The following NBAS variants were observed in gnomAD, a reference collection of about 807,000 sequenced individuals.
The protein encoded by NBAS is NBAS subunit of NRZ tethering complex.
A neutral mutation model predicts 302.5 loss-of-function variants in NBAS; 219 were observed. That is an observed-to-expected ratio of 0.72 (90% CI 0.65 to 0.81). NBAS has a LOEUF of 0.81. Among genes scored for constraint, NBAS ranks in the 30% least tolerant of loss-of-function variants. The pLI is 0.00. For synonymous variants in NBAS, 1,118 were observed against 1,021.6 expected (o/e 1.09, Z -1.80); for missense variants, 2,932 against 2,841.6 (o/e 1.03, Z -0.72).
chr2:15,168,280 T>C (rs1230216204), intron 51 of NBAS, among the ~76,000 whole-genome samples: 1 of 152,234 alleles, frequency 6.6e-6, no homozygotes, highest in Non-Finnish European at 1.5e-5. Flanking sequence ...AACTATATTA[T>C]GCAACTGTAC....
intron 38 of NBAS, among the ~76,000 whole-genome samples, chr2:15,310,441 T>C (rs1001450930): frequency 2.6e-5 from 4 of 152,240 alleles, no homozygotes; most frequent in Non-Finnish European, 5.9e-5. Flanking sequence ...CATTTTCTAA[T>C]CAAAAGCTAT....
intron 9 of NBAS, among the ~76,000 whole-genome samples, chr2:15,517,773 A>G (rs2148657624): frequency 6.6e-6 from 1 of 152,320 alleles, no homozygotes; most frequent in African/African-American, 2.4e-5. Flanking sequence ...CAGTACATAG[A>G]GTATCGTTTG....
At chr2:15,098,956 C>T in the NBAS span, among the ~76,000 whole-genome samples, 1 of 151,406 alleles carries the variant, frequency 6.6e-6, no homozygotes, top group East Asian at 1.9e-4. Context: ...GTGTCCCCCT[C>T]ACACACACAT....
intron 10 of NBAS, among the ~76,000 whole-genome samples, chr2:15,508,666 C>T (rs1661988275): frequency 2.0e-5 from 3 of 152,134 alleles, no homozygotes; most frequent in African/African-American, 4.8e-5. Context: ...TATACAGACA[C>T]ACATAATTTA....
At chr2:14,922,002 C>A in the NBAS span, among the ~76,000 whole-genome samples, 2 of 152,230 alleles carry the variant, frequency 1.3e-5, no homozygotes, top group East Asian at 3.9e-4. Context: ...TGCCAGGAAC[C>A]CAAGGAGGCA....
At chr2:14,978,406 C>A in the NBAS span, among the ~76,000 whole-genome samples, 965 of 152,236 alleles carry the variant, frequency 6.3e-3, 13 homozygotes, top group African/African-American at 0.022. Flanking sequence ...CCTAGTGAAG[C>A]TTAGAACATA....
intron 21 of NBAS, among the ~76,000 whole-genome samples, chr2:15,460,490 G>A (rs1453814349): frequency 3.9e-5 from 6 of 152,166 alleles, no homozygotes; most frequent in African/African-American, 1.4e-4. Context: ...ACCTAAGCAA[G>A]GTATGCTAAG....
chr2:14,803,207 T>A, the NBAS span, among the ~76,000 whole-genome samples: 1 of 152,214 alleles, frequency 6.6e-6, no homozygotes. Context: ...GGTTTGCCTC[T>A]AGCTAGAAAG....
chr2:15,276,639 G>T (rs1280688259), intron 43 of NBAS, among the ~76,000 whole-genome samples: 1 of 152,134 alleles, frequency 6.6e-6, no homozygotes, highest in African/African-American at 2.4e-5. Context: ...GTCACTGTGC[G>T]ACTTTCAATA....
intron 28 of NBAS, among the ~76,000 whole-genome samples, chr2:15,389,012 C>G (rs886159623): frequency 3.9e-5 from 6 of 152,056 alleles, no homozygotes; most frequent in African/African-American, 1.4e-4. Context: ...ACACTCAGTT[C>G]TCACTGCTGT....
intron 44 of NBAS, among the ~76,000 whole-genome samples, chr2:15,241,269 G>A (rs1221480047): frequency 6.6e-6 from 1 of 152,160 alleles, no homozygotes; most frequent in Non-Finnish European, 1.5e-5. Context: ...CTAGCCAAAT[G>A]TATACACTCT....
At chr2:15,239,390 T>TGTGTATGTGTGC (rs774565633) in intron 44 of NBAS, among the ~76,000 whole-genome samples, 5 of 67,634 alleles carry the variant, frequency 7.4e-5, no homozygotes, top group Non-Finnish European at 1.8e-4. Context: ...TATGTGTGCG[T>TGTGTATGTGTGC]GTGTGTGTGT....
At chr2:15,098,227 T>C in the NBAS span, among the ~76,000 whole-genome samples, 6 of 20,590 alleles carry the variant, frequency 2.9e-4, 3 homozygotes, top group Non-Finnish European at 4.8e-4. Context: ...ATTGTATATA[T>C]TATATTGTAT....
chr2:15,113,787 C>T, the NBAS span, among the ~76,000 whole-genome samples: 13 of 151,504 alleles, frequency 8.6e-5, no homozygotes, highest in East Asian at 2.1e-3. Context: ...ACAAACTGCA[C>T]CTCCAGGAAA....
chr2:14,860,186 T>G, the NBAS span, among the ~76,000 whole-genome samples: 3 of 151,944 alleles, frequency 2.0e-5, no homozygotes, highest in African/African-American at 4.8e-5. Context: ...TCAAAAAGGA[T>G]TAACAAGAAT....
intron 10 of NBAS, among the ~76,000 whole-genome samples, chr2:15,506,336 A>G (rs1661848974): frequency 6.6e-6 from 1 of 152,182 alleles, no homozygotes; most frequent in Non-Finnish European, 1.5e-5. Flanking sequence ...CAGCATGATC[A>G]ACTCCAATAT....
the NBAS span, among the ~76,000 whole-genome samples, chr2:14,834,089 G>A: frequency 6.6e-6 from 1 of 151,990 alleles, no homozygotes; most frequent in Non-Finnish European, 1.5e-5. Flanking sequence ...CAAATAACTT[G>A]GATTTAAATA....
At chr2:15,549,324 G>C (rs764845815) in intron 6 of NBAS, among the ~76,000 whole-genome samples, 1 of 152,028 alleles carries the variant, frequency 6.6e-6, no homozygotes, top group Non-Finnish European at 1.5e-5. Flanking sequence ...GATTACTAGA[G>C]GGCATACAGA....
At chr2:15,085,541 G>C in the NBAS span, among the ~76,000 whole-genome samples, 1 of 152,160 alleles carries the variant, frequency 6.6e-6, no homozygotes, top group Non-Finnish European at 1.5e-5. Flanking sequence ...TGGAGCCCCT[G>C]CTCCAGGCTG....
Sources: gnomAD v4.1 joint callset for allele counts (sites outside exome capture counted in the v4.1 genomes callset) on GRCh38, gnomAD v4.1.1 for gene constraint, MANE v1.5 for transcripts, NCBI Gene and HGNC (gene_info 2026-07-23, HGNC 2026-07-21) for gene names.